Variants in SEMA3C observed in about 807,000 individuals in gnomAD.
SEMA3C encodes semaphorin-3C.
SEMA3C carries 47 observed loss-of-function variants against 89.4 expected under a neutral mutation model. The ratio of observed to expected loss-of-function variants is 0.53; its 90% CI spans 0.42 to 0.67. The LOEUF (loss-of-function observed/expected upper bound fraction) is 0.67. Ranked by LOEUF, SEMA3C falls within the 30% of genes least tolerant of loss-of-function variation. SEMA3C has a pLI of 0.00. For missense variants in SEMA3C, 839 were observed against 929.1 expected, an observed-to-expected ratio of 0.90 and a Z score of 1.26; for synonymous variants, 310 against 320.2, an observed-to-expected ratio of 0.97 and a Z score of 0.34.
chr7:80,752,290 G>A (rs980400448), intron 15 of SEMA3C, among the ~76,000 whole-genome samples: 1 of 152,114 alleles, frequency 6.6e-6, no homozygotes, highest in African/African-American at 2.4e-5. Context: ...TAGTTGTTAC[G>A]TATTATTAGC....
At chr7:80,828,214 G>A (rs976875815) in intron 3 of SEMA3C, among the ~76,000 whole-genome samples, 1 of 152,000 alleles carries the variant, frequency 6.6e-6, no homozygotes, top group South Asian at 2.1e-4. Context: ...AAGTAACAGC[G>A]TATTTAATAG....
chr7:80,804,287 T>A (rs767361412), intron 7 of SEMA3C, 39 bp from the exon 8 acceptor site: 1 of 1,429,454 alleles, frequency 7.0e-7, no homozygotes, highest in Admixed American at 2.3e-5. Context: ...ATATTCATTA[T>A]GAAAATCCAT....
intron 2 of SEMA3C, among the ~76,000 whole-genome samples, chr7:80,907,310 T>C (rs552146204): frequency 6.6e-6 from 1 of 152,168 alleles, no homozygotes; most frequent in South Asian, 2.1e-4. Flanking sequence ...CTCCGGAAAG[T>C]AACTTTCTGA....
intron 4 of SEMA3C, among the ~76,000 whole-genome samples, chr7:80,823,155 G>T (rs1457815570): frequency 1.3e-5 from 2 of 152,170 alleles, no homozygotes; most frequent in Non-Finnish European, 2.9e-5. Flanking sequence ...TGTTAAGAGT[G>T]ATTATGTTTC....
At chr7:80,919,601 T>G (rs1006625739), upstream of SEMA3C, among the ~76,000 whole-genome samples, 2 of 152,010 alleles carry the variant, frequency 1.3e-5, no homozygotes, top group African/African-American at 4.8e-5. Flanking sequence ...GTTTTGTTTT[T>G]GGAGAGGGAA....
intron 2 of SEMA3C, among the ~76,000 whole-genome samples, chr7:80,885,111 T>G (rs1791442298): frequency 6.6e-6 from 1 of 152,224 alleles, no homozygotes; most frequent in African/African-American, 2.4e-5. Flanking sequence ...AAGACAATTC[T>G]TATAATTAAA....
chr7:80,871,634 C>T lies in SEMA3C; in HGVS notation c.104-42889G>A, dbSNP rs185008220. Among the ~76,000 whole-genome samples, 22 of 152,272 alleles carry T rather than the reference C, an allele frequency of 1.4e-4. 1 individual carries two copies. The highest frequency in any genetic ancestry group is 5.9e-4 in the Admixed American group (9 of 15,294). On this transcript the variant is annotated intron_variant, in intron 2 of 17. Transcript: ENST00000265361. Reference sequence around the variant, plus strand: ...ATATAAATAACTCCCACCTGCTTATCGTTCCAATAATGGAACACTGGGCAT... The same window carrying T: ...ATATAAATAACTCCCACCTGCTTATTGTTCCAATAATGGAACACTGGGCAT...
At chr7:80,891,794 C>T (rs1791620028) in intron 2 of SEMA3C, among the ~76,000 whole-genome samples, 1 of 151,952 alleles carries the variant, frequency 6.6e-6, no homozygotes, top group East Asian at 1.9e-4. Context: ...ATTCATTCTC[C>T]AGATTATATA....
At chr7:80,852,598 A>G (rs2115944654) in intron 2 of SEMA3C, among the ~76,000 whole-genome samples, 1 of 152,298 alleles carries the variant, frequency 6.6e-6, no homozygotes, top group Admixed American at 6.5e-5. Flanking sequence ...ATTAATTACC[A>G]GAATATATAA....
At chr7:80,903,330 T>A (rs1791929304) in intron 2 of SEMA3C, among the ~76,000 whole-genome samples, 1 of 152,162 alleles carries the variant, frequency 6.6e-6, no homozygotes, top group South Asian at 2.1e-4. Flanking sequence ...TCCAAACATA[T>A]CTAAACATAG....
chr7:80,917,126 A>G (rs1792296825), intron 1 of SEMA3C, among the ~76,000 whole-genome samples: 1 of 152,220 alleles, frequency 6.6e-6, no homozygotes, highest in South Asian at 2.1e-4. Flanking sequence ...ATTTTAACGG[A>G]TCTTCTCTCT....
intron 2 of SEMA3C, among the ~76,000 whole-genome samples, chr7:80,862,131 T>C (rs533393036): frequency 2.6e-5 from 4 of 152,088 alleles, no homozygotes; most frequent in East Asian, 3.9e-4. Flanking sequence ...GGCATCCAAA[T>C]AGGTAAAGAG....
chr7:80,895,373 A>G (rs1457189393), intron 2 of SEMA3C, among the ~76,000 whole-genome samples: 2 of 152,198 alleles, frequency 1.3e-5, no homozygotes, highest in Admixed American at 1.3e-4. Context: ...AAATTCTAGT[A>G]AAACAGATAG....
chr7:80,798,976 T>A (rs957392830), intron 10 of SEMA3C, among the ~76,000 whole-genome samples: 2 of 152,220 alleles, frequency 1.3e-5, no homozygotes, highest in Admixed American at 1.3e-4. Flanking sequence ...ACATTGTTAA[T>A]CATTAGTATC....
chr7:80,889,524 T>C (rs1222756825), intron 2 of SEMA3C, among the ~76,000 whole-genome samples: 1 of 152,184 alleles, frequency 6.6e-6, no homozygotes, highest in Non-Finnish European at 1.5e-5. Context: ...GGTTCTAAAT[T>C]ATAATTTAAT....
At chr7:80,833,432 GC>G (rs1425592489) in intron 2 of SEMA3C, among the ~76,000 whole-genome samples, 2 of 151,762 alleles carry the variant, frequency 1.3e-5, no homozygotes, top group Non-Finnish European at 1.5e-5. Flanking sequence ...TTGCACTCCA[GC>G]CTGGGGTGAC....
intron 2 of SEMA3C, among the ~76,000 whole-genome samples, chr7:80,898,106 T>C (rs1429126384): frequency 6.6e-6 from 1 of 151,992 alleles, no homozygotes; most frequent in Admixed American, 6.6e-5. Context: ...GCTCACCCCC[T>C]GTAATCCTAG....
At chr7:80,919,565 T>G (rs1792369137), upstream of SEMA3C, among the ~76,000 whole-genome samples, 1 of 141,766 alleles carries the variant, frequency 7.1e-6, no homozygotes, top group Non-Finnish European at 1.5e-5. Flanking sequence ...CTGCGTTTTT[T>G]TTTTGTTTTT....
chr7:80,755,521 T>C (rs2117042427), intron 15 of SEMA3C, among the ~76,000 whole-genome samples: 1 of 151,870 alleles, frequency 6.6e-6, no homozygotes, highest in African/African-American at 2.4e-5. Context: ...ATATAATAAC[T>C]GGTATACCTA....
Sources: allele counts gnomAD v4.1 joint callset (sites outside exome capture counted in the v4.1 genomes callset), GRCh38; gene constraint gnomAD v4.1.1; transcripts MANE v1.5; gene names NCBI Gene and HGNC (gene_info 2026-07-23, HGNC 2026-07-21).